MAP2K3: variants seen among roughly 807,000 people sequenced by gnomAD.
The protein encoded by MAP2K3 is mitogen-activated protein kinase kinase 3, also known as dual specificity mitogen-activated protein kinase kinase 3.
A neutral mutation model predicts 46.4 loss-of-function variants in MAP2K3; 30 were observed. The ratio of observed to expected loss-of-function variants is 0.65; its 90% CI spans 0.48 to 0.88. The LOEUF (loss-of-function observed/expected upper bound fraction) is 0.88. MAP2K3 is among the 40% of genes least tolerant of loss of function. The pLI, the probability that MAP2K3 is intolerant of heterozygous loss-of-function variation, is 0.00. For missense variants in MAP2K3, 380 were observed against 464.5 expected (o/e 0.82, Z 1.67); for synonymous variants, 189 against 176.3 (o/e 1.07, Z -0.57).
chr17:21,309,920 T>A (rs72838557), intron 9 of MAP2K3, among the ~76,000 whole-genome samples: 3 of 152,048 alleles, frequency 2.0e-5, no homozygotes, highest in Non-Finnish European at 4.4e-5. Context: ...TGCTTCTTTT[T>A]AAAAAACTTT....
chr17:21,289,192 C>A (rs905148426), intron 1 of MAP2K3, among the ~76,000 whole-genome samples: 4 of 152,216 alleles, frequency 2.6e-5, no homozygotes, highest in Admixed American at 6.5e-5. Flanking sequence ...CCCACTGGTC[C>A]CCAACGTGGG....
At chr17:21,296,772 G>A (rs1040971000) in intron 1 of MAP2K3, among the ~76,000 whole-genome samples, 19 of 152,418 alleles carry the variant, frequency 1.2e-4, no homozygotes, top group South Asian at 4.1e-4. Context: ...AGACCCATGC[G>A]GTCCCTGACA....
chr17:21,307,596 G>T (rs1457756494), intron 9 of MAP2K3, among the ~76,000 whole-genome samples: 1 of 152,150 alleles, frequency 6.6e-6, no homozygotes, highest in African/African-American at 2.4e-5. Context: ...GGTGGGTAGA[G>T]AGTTGACGCA....
At chr17:21,289,280 A>G (rs1975814752) in intron 1 of MAP2K3, among the ~76,000 whole-genome samples, 1 of 152,136 alleles carries the variant, frequency 6.6e-6, no homozygotes, top group Admixed American at 6.5e-5. Context: ...CTGCTCCTGC[A>G]GGCCTGCCCT....
intron 9 of MAP2K3, among the ~76,000 whole-genome samples, chr17:21,310,650 G>A (rs1977118902): frequency 6.6e-6 from 1 of 152,260 alleles, no homozygotes; most frequent in Admixed American, 6.5e-5. Context: ...CCTTGGCCAG[G>A]AGCAAGTGCT....
intron 1 of MAP2K3, among the ~76,000 whole-genome samples, chr17:21,295,447 C>T (rs1976184353): frequency 6.6e-6 from 1 of 152,304 alleles, no homozygotes; most frequent in South Asian, 2.1e-4. Flanking sequence ...TCGTGGGTTG[C>T]CAGTGGCCGC....
At chr17:21,285,078 G>A in intron 1 of MAP2K3, 109 bp downstream of exon 1, 1 of 1,439,156 alleles carries the variant, frequency 6.9e-7, no homozygotes, top group South Asian at 1.3e-5. Context: ...CGACCTGGCA[G>A]CGGCGTCCGG....
At chr17:21,305,627 G>A (rs1177129601) in intron 9 of MAP2K3, among the ~76,000 whole-genome samples, 2 of 11,358 alleles carry the variant, frequency 1.8e-4, no homozygotes, top group Non-Finnish European at 4.0e-4. Flanking sequence ...GCAGAAGTCC[G>A]AAGTCCAGGT....
intron 7 of MAP2K3, 59 bp from the exon 8 acceptor site, chr17:21,304,367 T>G: frequency 6.2e-7 from 1 of 1,613,804 alleles, no homozygotes; most frequent in South Asian, 1.1e-5. Flanking sequence ...ATGCAGAGCA[T>G]GGCACCTGCC....
intron 8 of MAP2K3, 78 bp downstream of exon 8, chr17:21,304,631 A>T: frequency 6.3e-7 from 1 of 1,597,220 alleles, no homozygotes; most frequent in Non-Finnish European, 8.5e-7. Flanking sequence ...CACCCCGGCC[A>T]TACCCTCTGT....
At chr17:21,298,727 A>G in intron 2 of MAP2K3, 151 bp from the exon 3 acceptor site, 2 of 1,225,940 alleles carry the variant, frequency 1.6e-6, no homozygotes, top group Non-Finnish European at 2.3e-6. Flanking sequence ...GTAGATGCTC[A>G]GCAGCCAGTG....
intron 1 of MAP2K3, chr17:21,291,819 CA>C: frequency 2.8e-6 from 1 of 354,538 alleles, no homozygotes; most frequent in Non-Finnish European, 5.6e-6. Context: ...GTGACCTGCT[CA>C]AGGTCACGAA....
At chr17:21,305,692 C>T (rs1225032552) in intron 9 of MAP2K3, among the ~76,000 whole-genome samples, 3 of 152,306 alleles carry the variant, frequency 2.0e-5, no homozygotes, top group Non-Finnish European at 4.4e-5. Context: ...AACCCCATGC[C>T]TTCCGTGTTG....
chr17:21,307,256 C>T (rs1350857424), intron 9 of MAP2K3, among the ~76,000 whole-genome samples: 1 of 152,304 alleles, frequency 6.6e-6, no homozygotes, highest in Non-Finnish European at 1.5e-5. Context: ...AACTCAGGCT[C>T]CTTGTGGATA....
At position 21,314,553 on chromosome 17, in the gene MAP2K3, C is replaced by T. The variant is rs1282920774; in HGVS notation, c.*323C>T. On this transcript the variant is annotated 3_prime_UTR_variant, in exon 12 of 12. Transcript: ENST00000342679. Reference sequence around the variant, plus strand: ...GATGCTGCTGCCCCTGCACAGCAGGCTGCCAGTGCCTGGGTGGATGGGCCA... The same window carrying T: ...GATGCTGCTGCCCCTGCACAGCAGGTTGCCAGTGCCTGGGTGGATGGGCCA... 3.0e-6 allele frequency: 1 copy of T among 336,202 alleles called. No homozygotes were observed. Among genetic ancestry groups the T allele is most frequent in the Non-Finnish European group, 5.6e-6 (1 of 179,770 alleles). The allele number at this position is 336,202 out of a possible 1,614,324, so 20.8% of individuals were successfully genotyped here.
chr17:21,292,197 G>A (rs1286410351), intron 1 of MAP2K3, among the ~76,000 whole-genome samples: 4 of 152,416 alleles, frequency 2.6e-5, no homozygotes, highest in South Asian at 4.1e-4. Flanking sequence ...GAGCCTGGCT[G>A]CCCCTTCAGA....
intron 7 of MAP2K3, among the ~76,000 whole-genome samples, chr17:21,304,102 A>T (rs1331346458): frequency 6.6e-6 from 1 of 152,312 alleles, no homozygotes; most frequent in African/African-American, 2.4e-5. Flanking sequence ...CTCTCACTGG[A>T]CCTCATGTCT....
intron 1 of MAP2K3, among the ~76,000 whole-genome samples, chr17:21,286,867 C>T (rs549317983): frequency 6.6e-6 from 1 of 152,222 alleles, no homozygotes; most frequent in Non-Finnish European, 1.5e-5. Flanking sequence ...GGCCCAGGGA[C>T]TCTGTAGTCT....
At chr17:21,302,637 G>A (rs1333433043) in intron 6 of MAP2K3, among the ~76,000 whole-genome samples, 1 of 152,310 alleles carries the variant, frequency 6.6e-6, no homozygotes, top group African/African-American at 2.4e-5. Flanking sequence ...GGAAAGGTTA[G>A]CATCCAAAAT....
Sources: allele counts gnomAD v4.1 joint callset (sites outside exome capture counted in the v4.1 genomes callset), GRCh38; gene constraint gnomAD v4.1.1; transcripts MANE v1.5; gene names NCBI Gene and HGNC (gene_info 2026-07-23, HGNC 2026-07-21).